Variants in DSG4 observed in about 807,000 individuals in gnomAD.
The protein encoded by DSG4 is desmoglein-4.
In DSG4, 87 loss-of-function variants were observed where a neutral mutation model predicts 93.1. That is an observed-to-expected ratio of 0.93 (90% confidence interval 0.79 to 1.12). The LOEUF (loss-of-function observed/expected upper bound fraction) is 1.12. Among genes scored for constraint, DSG4 ranks in the 50% most tolerant of loss-of-function variants. The pLI is 0.00. For missense variants in DSG4, 1,373 were observed against 1,285.7 expected (o/e 1.07, Z -1.04); for synonymous variants, 432 against 452.9 (o/e 0.95, Z 0.59).
intron 5 of DSG4, among the ~76,000 whole-genome samples, chr18:31,389,705 T>A (rs9946737): frequency 0.66 from 100,882 of 151,914 alleles, 33,998 homozygotes; most frequent in East Asian, 0.85. Context: ...CAAACCCCTG[T>A]TGTCCCTTTC....
At chr18:31,388,627 C>A in intron 4 of DSG4, 105 bp downstream of exon 4, 1 of 1,472,008 alleles carries the variant, frequency 6.8e-7, no homozygotes, top group Non-Finnish European at 9.3e-7. Context: ...ACATGGCAGA[C>A]TGAACCCAAA....
Position 31,406,245 on chromosome 18 carries a change from G to C in DSG4, c.1805G>C (p.Gly602Ala). Residue 602 changes from glycine (G) to alanine (A), a missense_variant, in exon 12 of 16, where the codon GGC becomes GCC. Physicochemically the swap from Gly to Ala is moderately conservative, Grantham distance 60. Transcript: ENST00000308128. The stretch of plus-strand genomic sequence containing the variant: ...ATGTGCCTGGACTCTGGTGCCGCGG[G>C]CATCTACACAGAGGACATAACTGGT... The part of the protein sequence containing the change: ...NHMCLDSGAA[G>A]IYTEDITGDT... 6.2e-7 allele frequency: 1 copy of C among 1,612,616 alleles called. No homozygotes were observed. Among genetic ancestry groups the C allele is most frequent in the Non-Finnish European group, 8.5e-7 (1 of 1,179,556 alleles).
chr18:31,378,800 A>G (rs918555968), intron 1 of DSG4, among the ~76,000 whole-genome samples: 26 of 152,350 alleles, frequency 1.7e-4, no homozygotes, highest in African/African-American at 6.3e-4. Flanking sequence ...AAACAAATAC[A>G]AGAATTGTTT....
At chr18:31,406,440 G>T (rs1598750814) in intron 12 of DSG4, 67 bp downstream of exon 12, 2 of 1,594,814 alleles carry the variant, frequency 1.3e-6, no homozygotes, top group Admixed American at 1.7e-5. Flanking sequence ...AGGCTCGCTG[G>T]GATGGTTAGG....
rs755607180 is a variant in DSG4, at chr18:31,413,533, T to A, written c.3061T>A (p.Ser1021Thr). ...LPIGQTVGSTSPMTSRHRVTR... is the reference protein window; with the variant it reads ...LPIGQTVGSTTPMTSRHRVTR... ...CATAGGCCAAACCGTTGGCTCCACA[T>A]CCCCCATGACATCTCGACACAGAGT... is the stretch of plus-strand genomic sequence containing the variant. Residue 1021 changes from serine to threonine, a missense_variant, in exon 16 of 16, where the codon TCC becomes ACC. By Grantham distance (58) the Ser-to-Thr change is moderately conservative (BLOSUM62 1). Coordinates refer to ENST00000308128, the MANE Select transcript of DSG4 (RefSeq NM_177986.5). The A allele has an allele frequency of 3.8e-5, 61 of 1,613,702 alleles. No individual in the cohort carries two copies. Among genetic ancestry groups the A allele is most frequent in the Non-Finnish European group, 5.0e-5 (59 of 1,179,984 alleles).
chr18:31,396,943 G>A (rs567390197), intron 8 of DSG4, among the ~76,000 whole-genome samples: 81 of 152,174 alleles, frequency 5.3e-4, no homozygotes, highest in Admixed American at 1.7e-3. Context: ...TTTGTACCAG[G>A]AAATGAGCCT....
intron 11 of DSG4, 150 bp downstream of exon 11, chr18:31,403,784 C>A: frequency 1.4e-6 from 1 of 724,750 alleles, no homozygotes; most frequent in Non-Finnish European, 2.3e-6. Flanking sequence ...ATTTCATGTA[C>A]ACAGAGGATA....
At chr18:31,381,810 G>A (rs1280786498) in intron 1 of DSG4, among the ~76,000 whole-genome samples, 3 of 150,442 alleles carry the variant, frequency 2.0e-5, no homozygotes, top group Admixed American at 6.6e-5. Context: ...ACAGGCACCC[G>A]CCACCACGCC....
chr18:31,388,570 C>T (rs768069326), intron 4 of DSG4, 48 bp downstream of exon 4: 1 of 1,606,720 alleles, frequency 6.2e-7, no homozygotes, highest in Non-Finnish European at 8.5e-7. Flanking sequence ...GTTTTCTTCC[C>T]TTTTTCAAAA....
intron 12 of DSG4, among the ~76,000 whole-genome samples, chr18:31,407,388 T>C (rs530817059): frequency 2.5e-4 from 38 of 152,160 alleles, no homozygotes; most frequent in African/African-American, 8.9e-4. Context: ...TCTGGGTGAG[T>C]GCCTAAACTA....
intron 2 of DSG4, among the ~76,000 whole-genome samples, chr18:31,385,615 T>C (rs1210500478): frequency 6.6e-6 from 1 of 152,132 alleles, no homozygotes; most frequent in Non-Finnish European, 1.5e-5. Context: ...ACTCAGGAAA[T>C]AGAGCTGCTG....
intron 7 of DSG4, among the ~76,000 whole-genome samples, chr18:31,391,688 CA>C (rs1204672330): frequency 2.7e-5 from 4 of 147,520 alleles, no homozygotes; most frequent in African/African-American, 5.3e-5. Flanking sequence ...AAAAACAAAA[CA>C]AAAAACGTGT....
chr18:31,380,484 G>C (rs1361604000), intron 1 of DSG4, among the ~76,000 whole-genome samples: 1 of 152,196 alleles, frequency 6.6e-6, no homozygotes, highest in African/African-American at 2.4e-5. Context: ...TGACAACAGT[G>C]CCTGGAGGGA....
chr18:31,383,912 TAA>T (rs1031212648), intron 1 of DSG4, among the ~76,000 whole-genome samples: 3 of 152,316 alleles, frequency 2.0e-5, no homozygotes, highest in Non-Finnish European at 4.4e-5. Flanking sequence ...TCAACAAAAT[TAA>T]AAGAGGACCT....
chr18:31,412,819 T>C lies in DSG4; in HGVS notation c.2356-9T>C, dbSNP rs1568074826. ...AAATTTCTAATTCTGTATTTCCTTTTAATTTTAGAAAGCGTATGCTTATGC... is the reference window on the plus strand; with the variant it reads ...AAATTTCTAATTCTGTATTTCCTTTCAATTTTAGAAAGCGTATGCTTATGC... On this transcript the variant is annotated splice_polypyrimidine_tract_variant and intron_variant, in intron 15 of 15. Coordinates refer to ENST00000308128, the MANE Select transcript of DSG4 (RefSeq NM_177986.5). 3 of 1,614,118 alleles carry C rather than the reference T, an allele frequency of 1.9e-6. No individual in the cohort carries two copies. Among genetic ancestry groups the C allele is most frequent in the Admixed American group, 1.7e-5 (1 of 60,024 alleles).
At chr18:31,389,384 C>T (rs1257991097) in intron 5 of DSG4, among the ~76,000 whole-genome samples, 4 of 152,162 alleles carry the variant, frequency 2.6e-5, no homozygotes, top group Non-Finnish European at 4.4e-5. Flanking sequence ...GGCTGACCCA[C>T]ACCAGGTAGA....
rs1440164965 is a variant in DSG4, at chr18:31,376,883, G to A, written c.-29G>A. 1.2e-6 allele frequency: 2 copies of A among 1,613,398 alleles called. No individual in the cohort carries two copies. The highest frequency in any genetic ancestry group is 1.7e-6 in the Non-Finnish European group (2 of 1,179,552). Reference sequence around the variant, plus strand: ...ACGAGGGCTCAAATTGAATCTCACAGGATTTGCGTGCAAGAGAAACCCAAA... The same window carrying A: ...ACGAGGGCTCAAATTGAATCTCACAAGATTTGCGTGCAAGAGAAACCCAAA... On this transcript the variant is annotated 5_prime_UTR_variant, in exon 1 of 16. Coordinates refer to ENST00000308128, the MANE Select transcript of DSG4 (RefSeq NM_177986.5).
At chr18:31,386,659 G>A in intron 2 of DSG4, 29 bp from the exon 3 acceptor site, 1 of 1,611,924 alleles carries the variant, frequency 6.2e-7, no homozygotes, top group Non-Finnish European at 8.5e-7. Flanking sequence ...TTCTCACACT[G>A]TAAGACACCT....
intron 8 of DSG4, among the ~76,000 whole-genome samples, chr18:31,394,186 A>C (rs2144185282): frequency 6.6e-6 from 1 of 152,304 alleles, no homozygotes; most frequent in African/African-American, 2.4e-5. Context: ...GTATGATATG[A>C]CCCCTAAAAC....
Sources: allele counts gnomAD v4.1 joint callset (sites outside exome capture counted in the v4.1 genomes callset), GRCh38; gene constraint gnomAD v4.1.1; transcripts MANE v1.5; gene names NCBI Gene and HGNC (gene_info 2026-07-23, HGNC 2026-07-21).